The following SLIT3 variants were observed in gnomAD, a reference collection of about 807,000 sequenced individuals.
The protein encoded by SLIT3 is slit homolog 3 protein.
SLIT3 carries 68 observed loss-of-function variants against 184.0 expected under a neutral mutation model. The observed-to-expected ratio is 0.37, with a 90% CI of 0.30 to 0.45. The LOEUF (loss-of-function observed/expected upper bound fraction) is 0.45, where lower values mean the gene tolerates loss of function less well. SLIT3 is among the 20% of genes least tolerant of loss of function. The probability of loss-of-function intolerance (pLI) is 1.00; values close to 1 mark genes in which losing one functional copy is unlikely to be tolerated. For synonymous variants in SLIT3, 831 were observed against 828.6 expected (o/e 1.00, Z -0.05); for missense variants, 1,707 against 2,026.0 (o/e 0.84, Z 3.02).
chr5:169,195,089 A>G (rs1005043581), intron 3 of SLIT3, among the ~76,000 whole-genome samples: 2 of 152,170 alleles, frequency 1.3e-5, no homozygotes, highest in African/African-American at 4.8e-5. Flanking sequence ...AGTATGGCCT[A>G]TTACATGATG....
In SLIT3 at chr5:168,817,480, C is replaced by T. The variant is rs747438815; in HGVS notation, c.630-17G>A. Reference sequence around the variant, plus strand: ...TGGAGGCGCCTGGGAGAGGGCGGGACAGAGAGAAGGCATGGTCACAGGTGA... The same window carrying T: ...TGGAGGCGCCTGGGAGAGGGCGGGATAGAGAGAAGGCATGGTCACAGGTGA... On this transcript the variant is annotated splice_polypyrimidine_tract_variant and intron_variant, in intron 7 of 35. Coordinates refer to ENST00000519560, the MANE Select transcript of SLIT3 (RefSeq NM_003062.4). The T allele has an allele frequency of 6.3e-7, 1 of 1,599,916 alleles. No homozygotes were observed. The highest frequency in any genetic ancestry group is 8.5e-7 in the Non-Finnish European group (1 of 1,176,064).
chr5:168,723,261 C>G (rs1461093760), intron 21 of SLIT3, among the ~76,000 whole-genome samples: 1 of 151,880 alleles, frequency 6.6e-6, no homozygotes, highest in Non-Finnish European at 1.5e-5. Context: ...CCATCTACCC[C>G]TCACATATTT....
At chr5:169,023,646 G>A (rs1363328068) in intron 4 of SLIT3, 1 of 150,976 alleles carries the variant, frequency 6.6e-6, no homozygotes, top group East Asian at 1.9e-4. Flanking sequence ...TCACTCTTCT[G>A]TTATCTTCAA....
chr5:168,821,352 C>T (rs1023340737), intron 7 of SLIT3, among the ~76,000 whole-genome samples: 15 of 152,214 alleles, frequency 9.9e-5, no homozygotes, highest in Admixed American at 8.5e-4. Context: ...AGGAGCTGGA[C>T]GGCTGATTCC....
At chr5:168,716,192 G>A (rs1762724417) in intron 23 of SLIT3, among the ~76,000 whole-genome samples, 2 of 151,920 alleles carry the variant, frequency 1.3e-5, no homozygotes, top group Non-Finnish European at 1.5e-5. Flanking sequence ...GGCCAGGATA[G>A]TCTCGATCTC....
chr5:168,995,393 A>G (rs1243992572), intron 4 of SLIT3: 2 of 152,228 alleles, frequency 1.3e-5, no homozygotes, highest in Non-Finnish European at 2.9e-5. Flanking sequence ...TAAGAACATG[A>G]TTTTAATAAA....
intron 5 of SLIT3, among the ~76,000 whole-genome samples, chr5:168,866,748 T>C (rs1021311026): frequency 6.6e-6 from 1 of 152,224 alleles, no homozygotes; most frequent in Non-Finnish European, 1.5e-5. Flanking sequence ...AGTCCGAGTT[T>C]CTTCATCTTT....
At chr5:168,699,546 G>A (rs1202753191) in intron 27 of SLIT3, among the ~76,000 whole-genome samples, 4 of 152,220 alleles carry the variant, frequency 2.6e-5, no homozygotes, top group African/African-American at 7.2e-5. Flanking sequence ...GGGTCCTGAG[G>A]TTGGGTGGAA....
chr5:169,000,038 G>A (rs774275757), intron 4 of SLIT3, among the ~76,000 whole-genome samples: 4 of 152,138 alleles, frequency 2.6e-5, no homozygotes, highest in African/African-American at 4.8e-5. Flanking sequence ...GCTAAAATCA[G>A]TGCTCAACAA....
At chr5:168,756,328 A>T (rs546260414) in intron 16 of SLIT3, among the ~76,000 whole-genome samples, 1 of 152,210 alleles carries the variant, frequency 6.6e-6, no homozygotes, top group Non-Finnish European at 1.5e-5. Flanking sequence ...AAGTGACAGA[A>T]TTGGGGACTC....
intron 11 of SLIT3, among the ~76,000 whole-genome samples, 191 bp downstream of exon 11, chr5:168,789,369 T>C (rs1756272596): frequency 1.3e-5 from 2 of 152,154 alleles, no homozygotes; most frequent in Non-Finnish European, 1.5e-5. Context: ...AAATAATGCA[T>C]TTGGGTTGTA....
At chr5:168,857,277 T>C (rs1021687815) in intron 5 of SLIT3, among the ~76,000 whole-genome samples, 1 of 152,226 alleles carries the variant, frequency 6.6e-6, no homozygotes, top group Non-Finnish European at 1.5e-5. Context: ...AAGTGCATTG[T>C]TCACACTTAA....
At chr5:168,668,417 G>A (rs1002207076) in intron 35 of SLIT3, among the ~76,000 whole-genome samples, 1 of 152,204 alleles carries the variant, frequency 6.6e-6, no homozygotes, top group Non-Finnish European at 1.5e-5. Context: ...GGTTTCATTA[G>A]TTTTGAAGGC....
At position 169,300,464 on chromosome 5, in the gene SLIT3, G is replaced by A. The variant is rs747295261; in HGVS notation, c.197+49C>T. ...CGGATCTGGCGCCTGGGGCCCCCTC[G>A]GTGGGACCCAGGTGGGTGGCCCGCG... is the stretch of plus-strand genomic sequence containing the variant. On this transcript the variant is annotated intron_variant, in intron 1 of 35. Coordinates refer to ENST00000519560, the MANE Select transcript of SLIT3 (RefSeq NM_003062.4). This position sits in a 1 kb window ranked among gnomAD's most constrained non-coding sequence, Gnocchi z 4.1. The A allele has an allele frequency of 1.4e-6, 2 of 1,405,030 alleles. No homozygotes were observed. The highest frequency in any genetic ancestry group is 2.5e-4 in the Middle Eastern group (1 of 4,024). The allele number at this position is 1,405,030 out of a possible 1,614,324, so 87.0% of individuals were successfully genotyped here.
At chr5:168,870,008 G>A (rs1394579217) in intron 5 of SLIT3, among the ~76,000 whole-genome samples, 2 of 152,198 alleles carry the variant, frequency 1.3e-5, no homozygotes, top group African/African-American at 4.8e-5. Context: ...GAAGTGCTCC[G>A]TGCCGGCACG....
At chr5:169,219,295 G>A (rs527414830) in intron 3 of SLIT3, among the ~76,000 whole-genome samples, 1 of 152,350 alleles carries the variant, frequency 6.6e-6, no homozygotes, top group East Asian at 1.9e-4. Flanking sequence ...AACCTTCCTC[G>A]AATGCATTCT....
chr5:169,202,667 G>C (rs1244348439), intron 3 of SLIT3, among the ~76,000 whole-genome samples: 1 of 151,724 alleles, frequency 6.6e-6, no homozygotes, highest in Non-Finnish European at 1.5e-5. Context: ...GGCTATGAGA[G>C]TCTCAGGAAA....
chr5:168,725,075 G>T (rs1298868926), intron 20 of SLIT3, among the ~76,000 whole-genome samples: 1 of 152,150 alleles, frequency 6.6e-6, no homozygotes, highest in Non-Finnish European at 1.5e-5. Flanking sequence ...CTGAGGAAAT[G>T]GGGGGCTATC....
chr5:169,259,634 AC>A (rs1766096814), intron 1 of SLIT3, among the ~76,000 whole-genome samples: 1 of 152,182 alleles, frequency 6.6e-6, no homozygotes, highest in Non-Finnish European at 1.5e-5. Context: ...TGTAGGGGCT[AC>A]CATACAATGC....
Sources: gnomAD v4.1 joint callset for allele counts (sites outside exome capture counted in the v4.1 genomes callset) on GRCh38, gnomAD v4.1.1 for gene constraint, Gnocchi (gnomAD v3.1) non-coding constraint, MANE v1.5 for transcripts, NCBI Gene and HGNC (gene_info 2026-07-23, HGNC 2026-07-21) for gene names.